The following LDLRAD3 variants were observed in gnomAD, a reference collection of about 807,000 sequenced individuals.
LDLRAD3 encodes low density lipoprotein receptor class A domain containing 3.
LDLRAD3 carries 20 observed loss-of-function variants against 29.4 expected under a neutral mutation model. That is an observed-to-expected ratio of 0.68 (90% confidence interval 0.48 to 0.99). The LOEUF (loss-of-function observed/expected upper bound fraction) is 0.99, where lower values mean the gene tolerates loss of function less well. Among genes scored for constraint, LDLRAD3 ranks in the 50% least tolerant of loss-of-function variants. The pLI, the probability that LDLRAD3 is intolerant of heterozygous loss-of-function variation, is 0.00. For synonymous variants in LDLRAD3, 157 were observed against 192.7 expected, an observed-to-expected ratio of 0.81 and a Z score of 1.53; for missense variants, 420 against 454.3, an observed-to-expected ratio of 0.92 and a Z score of 0.69.
At chr11:36,054,907 GGAT>G in intron 2 of LDLRAD3, among the ~76,000 whole-genome samples, 1 of 147,678 alleles carries the variant, frequency 6.8e-6, no homozygotes, top group Admixed American at 6.7e-5. Flanking sequence ...ATGAATGGAT[GGAT>G]GATGGATACA....
intron 1 of LDLRAD3, among the ~76,000 whole-genome samples, chr11:36,014,299 CAGAG>C (rs1216409748): frequency 6.6e-6 from 1 of 152,162 alleles, no homozygotes; most frequent in Non-Finnish European, 1.5e-5. Context: ...GACAGATAGA[CAGAG>C]AGAGGGGTGC....
intron 2 of LDLRAD3, among the ~76,000 whole-genome samples, chr11:36,054,755 TTGGA>T (rs1257356180): frequency 9.4e-6 from 1 of 106,312 alleles, no homozygotes; most frequent in Non-Finnish European, 1.9e-5. Context: ...GCATGGATGC[TTGGA>T]TGGATGGATG....
chr11:36,183,590 GTATA>G (rs1854797169), intron 4 of LDLRAD3, among the ~76,000 whole-genome samples: 1 of 152,172 alleles, frequency 6.6e-6, no homozygotes, highest in African/African-American at 2.4e-5. Flanking sequence ...ACTTCTCAAA[GTATA>G]GATGGACACC....
chr11:36,189,160 A>G (rs1436694503), intron 4 of LDLRAD3, among the ~76,000 whole-genome samples: 2 of 152,138 alleles, frequency 1.3e-5, no homozygotes, highest in Non-Finnish European at 2.9e-5. Context: ...CATCATCACT[A>G]TAAACTTCAG....
At chr11:35,981,710 T>C (rs1851544223) in intron 1 of LDLRAD3, among the ~76,000 whole-genome samples, 1 of 152,158 alleles carries the variant, frequency 6.6e-6, no homozygotes, top group Non-Finnish European at 1.5e-5. Flanking sequence ...AGGATAGACT[T>C]GGAAATGCAA....
chr11:36,167,263 A>G lies in LDLRAD3; in HGVS notation c.455-59822A>G, dbSNP rs969586. Reference sequence around the variant, plus strand: ...CTCAGTCTTTTCTCTGAAAGCCTTCAACTGATTGGATGAGGCCCGCCCACA... The same window carrying G: ...CTCAGTCTTTTCTCTGAAAGCCTTCGACTGATTGGATGAGGCCCGCCCACA... On this transcript the variant is annotated intron_variant, in intron 4 of 5. Coordinates refer to ENST00000315571, the MANE Select transcript of LDLRAD3 (RefSeq NM_174902.4). 2.1e-3 allele frequency among the ~76,000 whole-genome samples: 320 copies of G among 152,192 alleles called. 3 individuals carry two copies. Among genetic ancestry groups the G allele is most frequent in the African/African-American group, 7.3e-3 (302 of 41,532 alleles).
Position 36,023,049 on chromosome 11 carries a change from G to T in LDLRAD3, c.47-13054G>T, listed in dbSNP as rs78081919. Reference sequence around the variant, plus strand: ...GTCGTGCTCAGGAGGGAGTGTGCCTGTGTGAGCAGATTGTAGAAGCGGGAT... The same window carrying T: ...GTCGTGCTCAGGAGGGAGTGTGCCTTTGTGAGCAGATTGTAGAAGCGGGAT... On this transcript the variant is annotated intron_variant, in intron 1 of 5. Transcript: ENST00000315571. 5.6e-3 allele frequency among the ~76,000 whole-genome samples: 858 copies of T among 152,298 alleles called. 8 individuals carry two copies. The highest frequency in any genetic ancestry group is 0.019 in the African/African-American group (798 of 41,544).
chr11:36,194,178 C>T (rs1174084207), intron 4 of LDLRAD3, among the ~76,000 whole-genome samples: 2 of 149,676 alleles, frequency 1.3e-5, no homozygotes, highest in African/African-American at 2.5e-5. Flanking sequence ...GTACCTTAGC[C>T]CCCTGAGTTG....
intron 4 of LDLRAD3, among the ~76,000 whole-genome samples, chr11:36,110,671 A>G (rs1233375235): frequency 6.6e-6 from 1 of 152,174 alleles, no homozygotes; most frequent in Non-Finnish European, 1.5e-5. Context: ...AGTGCCTGCA[A>G]TTGCCCGGTC....
intron 4 of LDLRAD3, among the ~76,000 whole-genome samples, chr11:36,131,987 T>C (rs1331901335): frequency 1.3e-5 from 2 of 152,096 alleles, no homozygotes; most frequent in Non-Finnish European, 2.9e-5. Flanking sequence ...CTTGGGGCGA[T>C]GGCTCTGTAA....
intron 4 of LDLRAD3, among the ~76,000 whole-genome samples, chr11:36,183,419 A>G (rs1854792993): frequency 6.6e-6 from 1 of 152,256 alleles, no homozygotes; most frequent in African/African-American, 2.4e-5. Flanking sequence ...GGATTAAAGT[A>G]AAACATGTTG....
At chr11:36,092,850 T>C (rs1476133970) in intron 3 of LDLRAD3, among the ~76,000 whole-genome samples, 2 of 152,166 alleles carry the variant, frequency 1.3e-5, no homozygotes, top group Non-Finnish European at 2.9e-5. Flanking sequence ...GGCATGAACA[T>C]TGTGATGTAT....
At chr11:36,009,430 G>A (rs1037966067) in intron 1 of LDLRAD3, among the ~76,000 whole-genome samples, 5 of 152,158 alleles carry the variant, frequency 3.3e-5, no homozygotes, top group Non-Finnish European at 5.9e-5. Context: ...GCTAAGAATA[G>A]CATTGGAGAA....
chr11:36,192,122 C>T (rs1310692388), intron 4 of LDLRAD3, among the ~76,000 whole-genome samples: 1 of 152,176 alleles, frequency 6.6e-6, no homozygotes, highest in African/African-American at 2.4e-5. Context: ...TCGCTTTTAT[C>T]AAGCCTCTTA....
intron 4 of LDLRAD3, among the ~76,000 whole-genome samples, chr11:36,144,631 A>G (rs1854144187): frequency 7.8e-6 from 1 of 128,684 alleles, no homozygotes. Context: ...CCGTCTGAGA[A>G]GTGAGAAGCC....
chr11:36,229,263 A>T lies in LDLRAD3; in HGVS notation c.904A>T (p.Ser302Cys), dbSNP rs1438820677. Residue 302 changes from serine (S) to cysteine (C), a missense_variant, in exon 6 of 6, where the codon AGT becomes TGT. By Grantham distance (112) the Ser-to-Cys change is moderately radical (BLOSUM62 -1). Transcript: ENST00000315571. ...CCGCTCCCGGTCCGGGAGTGCCAACAGTGCCAGCTCCCAGGCAGCCAGCAG... is the reference window on the plus strand; with the variant it reads ...CCGCTCCCGGTCCGGGAGTGCCAACTGTGCCAGCTCCCAGGCAGCCAGCAG... Reference protein sequence around the residue: ...PYRSRSGSANSASSQAASSLL... With the variant: ...PYRSRSGSANCASSQAASSLL... The T allele has an allele frequency of 1.9e-6, 3 of 1,614,074 alleles. No homozygotes were observed. The highest frequency in any genetic ancestry group is 2.5e-6 in the Non-Finnish European group (3 of 1,180,000).
intron 4 of LDLRAD3, among the ~76,000 whole-genome samples, chr11:36,186,816 G>A (rs1854856123): frequency 6.6e-6 from 1 of 152,172 alleles, no homozygotes; most frequent in African/African-American, 2.4e-5. Flanking sequence ...CCCCCCTGTG[G>A]GTTACGTGGG....
intron 4 of LDLRAD3, among the ~76,000 whole-genome samples, chr11:36,198,878 C>T (rs1468832302): frequency 6.6e-6 from 1 of 152,100 alleles, no homozygotes; most frequent in Non-Finnish European, 1.5e-5. Context: ...AAAAATGTAT[C>T]CACAGGCACA....
intron 2 of LDLRAD3, among the ~76,000 whole-genome samples, chr11:36,054,091 T>G (rs970229786): frequency 6.6e-6 from 1 of 152,230 alleles, no homozygotes; most frequent in South Asian, 2.1e-4. Context: ...ACACTTTCCC[T>G]GCGCTCTCTG....
Sources: gnomAD v4.1 joint callset for allele counts (sites outside exome capture counted in the v4.1 genomes callset) on GRCh38, gnomAD v4.1.1 for gene constraint, MANE v1.5 for transcripts, NCBI Gene and HGNC (gene_info 2026-07-23, HGNC 2026-07-21) for gene names.